Variants in DMRT1 observed in about 807,000 individuals in gnomAD.
DMRT1 encodes the protein doublesex and mab-3 related transcription factor 1.
A neutral mutation model predicts 32.3 loss-of-function variants in DMRT1; 7 were observed. The ratio of observed to expected loss-of-function variants is 0.22; its 90% CI spans 0.12 to 0.41. The LOEUF is 0.41. Among genes scored for constraint, DMRT1 ranks in the 10% least tolerant of loss-of-function variants. The probability of loss-of-function intolerance (pLI) is 1.00; values close to 1 mark genes in which losing one functional copy is unlikely to be tolerated. For missense variants in DMRT1, 625 were observed against 500.5 expected (o/e 1.25, Z -2.37); for synonymous variants, 278 against 206.1 (o/e 1.35, Z -2.99).
In DMRT1 at chr9:870,289, C is replaced by T. The variant is rs565679489; in HGVS notation, c.538+23146C>T. On this transcript the variant is annotated intron_variant, in intron 2 of 4. Coordinates refer to ENST00000382276, the MANE Select transcript of DMRT1 (RefSeq NM_021951.3). ...TGACGTGCACCTGTAATCCCAGCTA[C>T]TCGGGAGGCTGAGGCAAGAGAATCG... Among the ~76,000 whole-genome samples, 6 of 152,248 alleles carry T rather than the reference C, an allele frequency of 3.9e-5. 1 individual carries two copies. The highest frequency in any genetic ancestry group is 1.4e-4 in the African/African-American group (6 of 41,532).
At chr9:885,976 C>G (rs1180797761) in intron 2 of DMRT1, among the ~76,000 whole-genome samples, 1 of 152,178 alleles carries the variant, frequency 6.6e-6, no homozygotes, top group Non-Finnish European at 1.5e-5. Context: ...TGCTAGCTTT[C>G]TGTTATTATT....
chr9:883,651 G>C (rs920603037), intron 2 of DMRT1, among the ~76,000 whole-genome samples: 1 of 151,592 alleles, frequency 6.6e-6, no homozygotes, highest in Non-Finnish European at 1.5e-5. Flanking sequence ...AAATTGCCGT[G>C]TATGGTGGCG....
intron 3 of DMRT1, among the ~76,000 whole-genome samples, chr9:910,212 C>A (rs967883450): frequency 1.3e-5 from 2 of 151,756 alleles, no homozygotes; most frequent in African/African-American, 4.8e-5. Context: ...AATCAAGATA[C>A]CTAAATACTG....
chr9:913,324 C>A (rs1041653814), intron 3 of DMRT1, among the ~76,000 whole-genome samples: 1 of 152,124 alleles, frequency 6.6e-6, no homozygotes, highest in Non-Finnish European at 1.5e-5. Flanking sequence ...CGGCTTATGT[C>A]GGCACCTTGC....
intron 2 of DMRT1, among the ~76,000 whole-genome samples, chr9:888,019 A>T (rs1240937619): frequency 6.6e-6 from 1 of 152,250 alleles, no homozygotes; most frequent in Non-Finnish European, 1.5e-5. Context: ...GCTCCTCTGG[A>T]TTACCCAGAA....
At chr9:911,095 G>C (rs926489126) in intron 3 of DMRT1, among the ~76,000 whole-genome samples, 3 of 152,110 alleles carry the variant, frequency 2.0e-5, no homozygotes, top group Non-Finnish European at 1.5e-5. Context: ...AGTTTAAAGG[G>C]AGCTTCTCAC....
At position 890,174 on chromosome 9, in the gene DMRT1, G is replaced by A. The variant is rs919047878; in HGVS notation, c.539-3738G>A. On this transcript the variant is annotated intron_variant, in intron 2 of 4. Transcript: ENST00000382276. ...CGTGATCTTGGCTCAGGCCGACTGA[G>A]CTGAGATCTCAGGCCGCCCGCCTCA... 7.5e-5 allele frequency among the ~76,000 whole-genome samples: 11 copies of A among 146,546 alleles called. No homozygotes were observed. In the East Asian group the frequency reaches 2.3e-3, roughly 30 times the overall value.
chr9:945,119 A>G lies in DMRT1; in HGVS notation c.968-22866A>G, dbSNP rs553823741. On this transcript the variant is annotated intron_variant, in intron 4 of 4. Transcript: ENST00000382276. Reference sequence around the variant, plus strand: ...AAATAAAGTGCTTCATCTTAACAGTATAGCTAGCTAGACTCTAATGTTTTT... The same window carrying G: ...AAATAAAGTGCTTCATCTTAACAGTGTAGCTAGCTAGACTCTAATGTTTTT... Among the ~76,000 whole-genome samples the G allele has an allele frequency of 9.8e-5, 15 of 152,304 alleles. No individual in the cohort carries two copies. The South Asian group carries it at 1.5e-3, about 15-fold the overall frequency.
intron 2 of DMRT1, among the ~76,000 whole-genome samples, chr9:864,218 T>C (rs1368276876): frequency 1.3e-5 from 2 of 151,908 alleles, no homozygotes; most frequent in Non-Finnish European, 2.9e-5. Flanking sequence ...TTTTCTTTTT[T>C]TTTTTTTGAG....
At chr9:896,718 C>A (rs1304377923) in intron 3 of DMRT1, among the ~76,000 whole-genome samples, 1 of 151,860 alleles carries the variant, frequency 6.6e-6, no homozygotes, top group Non-Finnish European at 1.5e-5. Context: ...AAGGCTGAGG[C>A]AGAAGAATCG....
Position 847,015 on chromosome 9 carries a change from T to C in DMRT1, c.410T>C (p.Ile137Thr), listed in dbSNP as rs1838933373. ...QEEELGISHP[I>T]PLPSAAELLV... ...GAGGAATTGGGTATCAGCCACCCCATCCCACTGCCCAGTGCGGCCGAGCTG... is the reference window on the plus strand; with the variant it reads ...GAGGAATTGGGTATCAGCCACCCCACCCCACTGCCCAGTGCGGCCGAGCTG... Residue 137 changes from isoleucine to threonine, a missense_variant, in exon 2 of 5, where the codon ATC becomes ACC. By Grantham distance (89) the Ile-to-Thr change is moderately conservative (BLOSUM62 -1). This residue lies in a region of DMRT1 where 416 missense variants were observed against 321.6 expected (regional missense o/e 1.29). Transcript: ENST00000382276. The C allele has an allele frequency of 6.2e-7, 1 of 1,614,128 alleles. No homozygotes were observed. The highest frequency in any genetic ancestry group is 1.7e-5 in the Admixed American group (1 of 60,020).
At position 861,813 on chromosome 9, in the gene DMRT1, G is replaced by T. The variant is rs1373955906; in HGVS notation, c.538+14670G>T. Among the ~76,000 whole-genome samples the T allele has an allele frequency of 1.5e-3, 217 of 144,344 alleles. 2 individuals carry two copies. The highest frequency in any genetic ancestry group is 5.3e-3 in the African/African-American group (204 of 38,252). 94.7% of individuals were successfully genotyped at this position (144,344 alleles called of 152,430 possible). ...ACGGGGCGGCTGCCGGGCGGGGGGG[G>T]GCTCCTTCAGACGGGGCGGCCGGTC... On this transcript the variant is annotated intron_variant, in intron 2 of 4. Coordinates refer to ENST00000382276, the MANE Select transcript of DMRT1 (RefSeq NM_021951.3).
chr9:953,511 T>G (rs1819498270), intron 4 of DMRT1, among the ~76,000 whole-genome samples: 1 of 152,208 alleles, frequency 6.6e-6, no homozygotes, highest in African/African-American at 2.4e-5. Flanking sequence ...CCCCCCGACC[T>G]TTGATGACAG....
chr9:866,163 CAAAAAAAA>C (rs71327351), intron 2 of DMRT1, among the ~76,000 whole-genome samples: 1 of 52,666 alleles, frequency 1.9e-5, no homozygotes. Context: ...GAGTCCATCT[CAAAAAAAA>C]AAAAAAAAAA....
intron 3 of DMRT1, among the ~76,000 whole-genome samples, chr9:908,192 C>T (rs996113229): frequency 3.3e-5 from 5 of 152,234 alleles, no homozygotes; most frequent in African/African-American, 9.6e-5. Context: ...GTGGCTCATG[C>T]CTGTAATCCT....
chr9:853,396 A>G (rs557898463), intron 2 of DMRT1, among the ~76,000 whole-genome samples: 9 of 152,116 alleles, frequency 5.9e-5, no homozygotes, highest in Non-Finnish European at 1.3e-4. Flanking sequence ...GGGGTTATTT[A>G]AATTTAAGAT....
At position 847,120 on chromosome 9, in the gene DMRT1, G is replaced by A; in HGVS notation, c.515G>A (p.Ser172Asn). The A allele has an allele frequency of 2.5e-6, 4 of 1,613,318 alleles. No homozygotes were observed. The highest frequency in any genetic ancestry group is 3.4e-6 in the Non-Finnish European group (4 of 1,180,036). Reference protein sequence around the residue: ...CSGTSQPPPASVPTTAASEGR... With the variant: ...CSGTSQPPPANVPTTAASEGR... ...GGCACCTCTCAGCCACCGCCGGCCA[G>A]TGTCCCCACCACTGCAGCTTCAGGT... The change falls in exon 2 of 5, where the codon AGT becomes AAT. Residue 172 changes from serine (S) to asparagine (N), a missense_variant. Around this residue, in one of 3 missense-constraint regions of DMRT1, gnomAD observed 416 missense variants for 321.6 expected, o/e 1.29. Coordinates refer to ENST00000382276, the MANE Select transcript of DMRT1 (RefSeq NM_021951.3).
intron 4 of DMRT1, among the ~76,000 whole-genome samples, chr9:948,427 G>A (rs889479895): frequency 6.6e-6 from 1 of 152,102 alleles, no homozygotes; most frequent in Non-Finnish European, 1.5e-5. Context: ...ACATCTGGGT[G>A]TCTGGTAGCT....
rs57959311 is a variant in DMRT1 at position 948,903 on chromosome 9, AAATAATAATAATAAT to A, written c.968-19053_968-19039del. Among the ~76,000 whole-genome samples, 535 of 137,724 alleles carry A rather than the reference AAATAATAATAATAAT, an allele frequency of 3.9e-3. 2 individuals are homozygous for A. Among genetic ancestry groups the A allele is most frequent in the African/African-American group, 0.013 (486 of 37,394 alleles). The allele number at this position is 137,724 out of a possible 152,430, so 90.4% of individuals were successfully genotyped here. ...AAACTCTGTCTCTACTAAAAATACA[AAATAATAATAATAAT>A]AATAATAATAATAATAATAATAATA... On this transcript the variant is annotated intron_variant, in intron 4 of 4. Coordinates refer to ENST00000382276, the MANE Select transcript of DMRT1 (RefSeq NM_021951.3).
Sources: allele counts gnomAD v4.1 joint callset (sites outside exome capture counted in the v4.1 genomes callset), GRCh38; gene constraint gnomAD v4.1.1; regional missense constraint gnomAD v4.1.1; transcripts MANE v1.5; gene names NCBI Gene and HGNC (gene_info 2026-07-23, HGNC 2026-07-21).